Variants in SRD5A2 observed in about 807,000 individuals in gnomAD.
SRD5A2 encodes the protein steroid 5 alpha-reductase 2.
A neutral mutation model predicts 27.4 loss-of-function variants in SRD5A2; 30 were observed. That is an observed-to-expected ratio of 1.10 (90% CI 0.82 to 1.49). SRD5A2 has a LOEUF of 1.49. SRD5A2 is among the 40% of genes most tolerant of loss of function. The pLI is 0.00. For synonymous variants in SRD5A2, 141 were observed against 133.6 expected, an observed-to-expected ratio of 1.06 and a Z score of -0.38; for missense variants, 348 against 323.4, an observed-to-expected ratio of 1.08 and a Z score of -0.58.
chr2:31,565,807 A>G (rs1033521195), intron 1 of SRD5A2, among the ~76,000 whole-genome samples: 1 of 152,022 alleles, frequency 6.6e-6, no homozygotes, highest in Non-Finnish European at 1.5e-5. Flanking sequence ...ATAGGTAGAG[A>G]GAAAATCATC....
the SRD5A2 span, among the ~76,000 whole-genome samples, chr2:31,588,000 T>C: frequency 7.9e-4 from 120 of 152,220 alleles, no homozygotes; most frequent in Non-Finnish European, 1.5e-3. Context: ...AATCTTTTCA[T>C]AGCAGAATTG....
At chr2:31,643,518 A>G in the SRD5A2 span, among the ~76,000 whole-genome samples, 203 of 152,200 alleles carry the variant, frequency 1.3e-3, no homozygotes, top group African/African-American at 4.7e-3. Context: ...GGGGCATAGG[A>G]CCAATGACAC....
chr2:31,605,262 C>T, the SRD5A2 span, among the ~76,000 whole-genome samples: 1 of 151,672 alleles, frequency 6.6e-6, no homozygotes, highest in Non-Finnish European at 1.5e-5. Flanking sequence ...GTACTACCCA[C>T]AAGCACAGGA....
chr2:31,606,091 A>T, the SRD5A2 span, among the ~76,000 whole-genome samples: 1 of 151,986 alleles, frequency 6.6e-6, no homozygotes, highest in Admixed American at 6.6e-5. Flanking sequence ...TGAGATCTAA[A>T]AATCAAAACA....
the SRD5A2 span, among the ~76,000 whole-genome samples, chr2:31,612,463 T>C: frequency 2.6e-5 from 4 of 152,188 alleles, no homozygotes; most frequent in African/African-American, 9.6e-5. Flanking sequence ...AATTTAGCCA[T>C]AGAGCTGAAA....
chr2:31,575,957 G>T (rs72867531), intron 1 of SRD5A2, among the ~76,000 whole-genome samples: 48 of 152,284 alleles, frequency 3.2e-4, no homozygotes, highest in African/African-American at 1.1e-3. Flanking sequence ...TAGACAAGGG[G>T]TCATTCCACA....
rs1334395260 is a variant in SRD5A2 at position 31,525,218 on chromosome 2, G to A, written c.*978C>T. The stretch of plus-strand genomic sequence containing the variant: ...TGAGAACTACAAGGAAGAAGCTCCA[G>A]GAAAGGAAAGTTGCTTGGGGCTTCT... On this transcript the variant is annotated 3_prime_UTR_variant, in exon 5 of 5. Coordinates refer to ENST00000622030, the MANE Select transcript of SRD5A2 (RefSeq NM_000348.4). 1 of 222,240 alleles carries A rather than the reference G, an allele frequency of 4.5e-6. No homozygotes were observed. Among genetic ancestry groups the A allele is most frequent in the African/African-American group, 2.2e-5 (1 of 44,694 alleles). 13.8% of individuals were successfully genotyped at this position (222,240 alleles called of 1,614,324 possible). A position where few individuals can be genotyped will look rare whatever the true frequency, so the allele number is the denominator to read the frequency against.
the SRD5A2 span, among the ~76,000 whole-genome samples, chr2:31,621,615 TTTTTG>T: frequency 6.6e-6 from 1 of 151,984 alleles, no homozygotes; most frequent in East Asian, 1.9e-4. Flanking sequence ...TATATGCAGG[TTTTTG>T]TTTTGTTTTG....
chr2:31,591,451 G>A, the SRD5A2 span, among the ~76,000 whole-genome samples: 1 of 152,046 alleles, frequency 6.6e-6, no homozygotes, highest in Non-Finnish European at 1.5e-5. Flanking sequence ...GTGCTGGAGA[G>A]GATGTGGAGA....
rs368167091 is a variant in SRD5A2, at chr2:31,554,497, T to C, written c.282-20731A>G. Among the ~76,000 whole-genome samples, 66 of 152,296 alleles carry C rather than the reference T, an allele frequency of 4.3e-4. No individual in the cohort carries two copies. In the Middle Eastern group the frequency reaches 0.014, roughly 31 times the overall value. The stretch of plus-strand genomic sequence containing the variant: ...TATGGACATTCCCTGTGGTATTGGA[T>C]ATCCCCAGGGAACACTGCCTCAGGA... On this transcript the variant is annotated intron_variant, in intron 1 of 4. Transcript: ENST00000622030.
At chr2:31,632,379 A>G in the SRD5A2 span, among the ~76,000 whole-genome samples, 4 of 152,214 alleles carry the variant, frequency 2.6e-5, no homozygotes, top group Non-Finnish European at 5.9e-5. Flanking sequence ...AGATTGTCCA[A>G]ATAGAAATAA....
chr2:31,541,313 C>T (rs1666123636), intron 1 of SRD5A2, among the ~76,000 whole-genome samples: 1 of 150,682 alleles, frequency 6.6e-6, no homozygotes, highest in Non-Finnish European at 1.5e-5. Context: ...AGAGTTACCA[C>T]ATCATTAAAT....
chr2:31,566,334 T>A (rs2148093414), intron 1 of SRD5A2, among the ~76,000 whole-genome samples: 1 of 151,862 alleles, frequency 6.6e-6, no homozygotes, highest in Admixed American at 6.6e-5. Flanking sequence ...AAAGTAAGCA[T>A]AAGAAAAAAC....
Position 31,523,583 on chromosome 2 carries a change from A to G in SRD5A2, c.*2613T>C. 1 of 219,822 alleles carries G rather than the reference A, an allele frequency of 4.5e-6. No homozygotes were observed. The highest frequency in any genetic ancestry group is 2.2e-5 in the African/African-American group (1 of 44,738). The allele number at this position is 219,822 out of a possible 1,614,324, so 13.6% of individuals were successfully genotyped here. On this transcript the variant is annotated 3_prime_UTR_variant, in exon 5 of 5. Coordinates refer to ENST00000622030, the MANE Select transcript of SRD5A2 (RefSeq NM_000348.4). ...TCTTTAAGTCTAAATTCTGAAAAAC[A>G]AACAAAACTCAACATTTTCTTCAAG... is the stretch of plus-strand genomic sequence containing the variant.
chr2:31,562,675 G>C (rs930028930), intron 1 of SRD5A2, among the ~76,000 whole-genome samples: 4 of 152,094 alleles, frequency 2.6e-5, no homozygotes, highest in Non-Finnish European at 5.9e-5. Flanking sequence ...GATTCCAAAA[G>C]GGAAAAGGAG....
At chr2:31,586,159 G>C in the SRD5A2 span, among the ~76,000 whole-genome samples, 4 of 152,000 alleles carry the variant, frequency 2.6e-5, no homozygotes, top group Non-Finnish European at 5.9e-5. Context: ...AGCGGTGTAC[G>C]CCGTACCCAA....
At chr2:31,537,413 C>T (rs183507330) in intron 1 of SRD5A2, among the ~76,000 whole-genome samples, 1 of 152,246 alleles carries the variant, frequency 6.6e-6, no homozygotes, top group African/African-American at 2.4e-5. Context: ...TTGGTGGGGC[C>T]ACCAGAGACC....
intron 1 of SRD5A2, 63 bp downstream of exon 1, chr2:31,580,557 G>A (rs1308383264): frequency 2.1e-6 from 3 of 1,427,090 alleles, no homozygotes; most frequent in African/African-American, 1.5e-5. Flanking sequence ...TCCACGCTGC[G>A]CTCCTGGACG....
the SRD5A2 span, among the ~76,000 whole-genome samples, chr2:31,613,256 A>G: frequency 2.3e-4 from 35 of 152,256 alleles, no homozygotes; most frequent in African/African-American, 7.5e-4. Flanking sequence ...ATATTTACAA[A>G]CCATACATCT....
Sources: allele counts gnomAD v4.1 joint callset (sites outside exome capture counted in the v4.1 genomes callset), GRCh38; gene constraint gnomAD v4.1.1; transcripts MANE v1.5; gene names NCBI Gene and HGNC (gene_info 2026-07-23, HGNC 2026-07-21).